Variants in CDADC1 observed in about 807,000 individuals in gnomAD.
The protein encoded by CDADC1 is cytidine and dCMP deaminase domain containing 1.
Under a neutral mutation model 54.9 loss-of-function variants are expected in CDADC1, and 39 were observed. The observed-to-expected ratio is 0.71, with a 90% CI of 0.55 to 0.93. The LOEUF is 0.93. Among genes scored for constraint, CDADC1 ranks in the 40% least tolerant of loss-of-function variants. The pLI is 0.00. For synonymous variants in CDADC1, 186 were observed against 204.0 expected (o/e 0.91, Z 0.75); for missense variants, 518 against 618.8 (o/e 0.84, Z 1.73).
intron 6 of CDADC1, among the ~76,000 whole-genome samples, chr13:49,274,721 A>G (rs143237640): frequency 2.3e-4 from 35 of 152,264 alleles, no homozygotes; most frequent in African/African-American, 8.2e-4. Context: ...ATGAAGATCT[A>G]TAAAGATTTG....
At chr13:49,272,372 G>A (rs1952989770) in intron 5 of CDADC1, among the ~76,000 whole-genome samples, 1 of 152,112 alleles carries the variant, frequency 6.6e-6, no homozygotes, top group Non-Finnish European at 1.5e-5. Context: ...AACTCTAAAG[G>A]TCTAGGAAGG....
intron 6 of CDADC1, among the ~76,000 whole-genome samples, chr13:49,275,517 A>G (rs1047943317): frequency 6.0e-5 from 9 of 151,136 alleles, no homozygotes. Flanking sequence ...AATATGGGAA[A>G]ACGCATTTGA....
intron 9 of CDADC1, among the ~76,000 whole-genome samples, chr13:49,288,000 A>G (rs1407263326): frequency 6.6e-6 from 1 of 151,944 alleles, no homozygotes; most frequent in Non-Finnish European, 1.5e-5. Context: ...AGATATCACT[A>G]CAAGAGTGCA....
chr13:49,256,078 T>A (rs35925057), intron 3 of CDADC1, among the ~76,000 whole-genome samples, 165 bp downstream of exon 3: 111,446 of 150,004 alleles, frequency 0.74, 41,977 homozygotes, highest in African/African-American at 0.88. Context: ...TCCTTTTTTT[T>A]AAAAAAAAAA....
intron 4 of CDADC1, among the ~76,000 whole-genome samples, chr13:49,259,839 C>T (rs1952632314): frequency 6.6e-6 from 1 of 151,614 alleles, no homozygotes; most frequent in Non-Finnish European, 1.5e-5. Flanking sequence ...AGAACAAGAC[C>T]TTGTCTCCAG....
chr13:49,282,236 G>GTTTTTTTTTTTTTTTT (rs759792512), intron 8 of CDADC1, among the ~76,000 whole-genome samples: 39 of 94,138 alleles, frequency 4.1e-4, no homozygotes, highest in East Asian at 7.0e-4. Context: ...GTTTTTGTGG[G>GTTTTTTTTTTTTTTTT]TTTTTTTTTT....
At chr13:49,281,297 T>C (rs1468305758) in intron 8 of CDADC1, among the ~76,000 whole-genome samples, 1 of 152,010 alleles carries the variant, frequency 6.6e-6, no homozygotes, top group Non-Finnish European at 1.5e-5. Flanking sequence ...AAAAGAAAAA[T>C]CTCTGACCCA....
intron 9 of CDADC1, among the ~76,000 whole-genome samples, chr13:49,291,170 G>GT (rs11428391): frequency 0.3 from 42,401 of 141,916 alleles, 6,589 homozygotes; most frequent in East Asian, 0.51. Flanking sequence ...TCAGTTTTTG[G>GT]TTTTTTTTTT....
At chr13:49,273,754 C>T (rs1953030051) in intron 5 of CDADC1, among the ~76,000 whole-genome samples, 1 of 113,862 alleles carries the variant, frequency 8.8e-6, no homozygotes. Flanking sequence ...TAGATAGATC[C>T]ATAAAGATTT....
chr13:49,248,762 T>A, intron 1 of CDADC1, 109 bp from the exon 2 acceptor site: 1 of 725,876 alleles, frequency 1.4e-6, no homozygotes, highest in Non-Finnish European at 2.5e-6. Flanking sequence ...TTTCTGTGCC[T>A]CTTGCGAAAG....
chr13:49,281,569 C>T (rs1200490026), intron 8 of CDADC1, among the ~76,000 whole-genome samples: 1 of 152,168 alleles, frequency 6.6e-6, no homozygotes, highest in African/African-American at 2.4e-5. Flanking sequence ...GCTCATCTGA[C>T]AGGAGGTGGA....
chr13:49,258,801 AG>A (rs1593798127), intron 3 of CDADC1, among the ~76,000 whole-genome samples: 2 of 152,264 alleles, frequency 1.3e-5, no homozygotes, highest in East Asian at 3.8e-4. Context: ...TGATACAGCC[AG>A]TAGTTTCTCA....
chr13:49,264,785 C>T (rs763036572), intron 4 of CDADC1, among the ~76,000 whole-genome samples: 1 of 151,890 alleles, frequency 6.6e-6, no homozygotes, highest in Non-Finnish European at 1.5e-5. Context: ...GAGATAGCAT[C>T]CATATAAACT....
Position 49,267,979 on chromosome 13 carries a change from A to G in CDADC1, c.920A>G (p.Asn307Ser), listed in dbSNP as rs1566363625. ...GFYRSNPEQINEIHNQSLPQE... is the reference protein window; with the variant it reads ...GFYRSNPEQISEIHNQSLPQE... ...TACCGTAGCAATCCAGAACAGATTA[A>G]TGAAATTCACAATCAAAGTTTGCCA... The change falls in exon 5 of 10, where the codon AAT (asparagine) becomes AGT (serine). Residue 307 changes from asparagine to serine, a missense_variant. By Grantham distance (46) the Asn-to-Ser change is conservative. Transcript: ENST00000251108. 2 of 1,614,124 alleles carry G rather than the reference A, an allele frequency of 1.2e-6. No homozygotes were observed. Among genetic ancestry groups the G allele is most frequent in the Non-Finnish European group, 1.7e-6 (2 of 1,180,008 alleles).
intron 2 of CDADC1, among the ~76,000 whole-genome samples, chr13:49,251,787 A>G (rs1216388138): frequency 6.6e-6 from 1 of 152,218 alleles, no homozygotes; most frequent in Non-Finnish European, 1.5e-5. Flanking sequence ...TCAAAACTAT[A>G]TTAGCAACAA....
At chr13:49,254,383 C>T (rs1473217684) in intron 2 of CDADC1, among the ~76,000 whole-genome samples, 1 of 147,704 alleles carries the variant, frequency 6.8e-6, no homozygotes, top group Non-Finnish European at 1.5e-5. Flanking sequence ...AAAACTTTAT[C>T]AATGTATTAA....
intron 8 of CDADC1, among the ~76,000 whole-genome samples, chr13:49,281,446 C>T (rs1208232922): frequency 6.6e-6 from 1 of 152,150 alleles, no homozygotes; most frequent in African/African-American, 2.4e-5. Flanking sequence ...TGGGATGAAA[C>T]TATTCCACCT....
At chr13:49,273,940 A>G (rs2138236115) in intron 5 of CDADC1, among the ~76,000 whole-genome samples, 1 of 152,338 alleles carries the variant, frequency 6.6e-6, no homozygotes, top group Admixed American at 6.5e-5. Context: ...ATCACCTATC[A>G]GAAGTAGTTG....
intron 5 of CDADC1, among the ~76,000 whole-genome samples, chr13:49,270,266 A>AGGCTGAGTGCAGTGGCACTCAT (rs2138227704): frequency 6.6e-6 from 1 of 152,264 alleles, no homozygotes; most frequent in Non-Finnish European, 1.5e-5. Flanking sequence ...TCTGTTGCCC[A>AGGCTGAGTGCAGTGGCACTCAT]GGCTGAGTGC....
Sources: gnomAD v4.1 joint callset for allele counts (sites outside exome capture counted in the v4.1 genomes callset) on GRCh38, gnomAD v4.1.1 for gene constraint, MANE v1.5 for transcripts, NCBI Gene and HGNC (gene_info 2026-07-23, HGNC 2026-07-21) for gene names.